The following SQLE variants were observed in gnomAD, a reference collection of about 807,000 sequenced individuals.
SQLE encodes squalene epoxidase.
Under a neutral mutation model 60.7 loss-of-function variants are expected in SQLE, and 29 were observed. The observed-to-expected ratio is 0.48, with a 90% CI of 0.36 to 0.65. SQLE has a LOEUF of 0.65. SQLE is among the 30% of genes least tolerant of loss of function. The probability of loss-of-function intolerance (pLI) is 0.00; values close to 1 mark genes in which losing one functional copy is unlikely to be tolerated. For synonymous variants in SQLE, 237 were observed against 246.8 expected (o/e 0.96, Z 0.37); for missense variants, 605 against 684.1 (o/e 0.88, Z 1.29).
intron 4 of SQLE, among the ~76,000 whole-genome samples, chr8:125,008,504 T>G (rs1481603796): frequency 6.6e-6 from 1 of 152,222 alleles, no homozygotes. Flanking sequence ...GACTGGAATG[T>G]TTTCTCTGCT....
rs1421171460 is a variant in SQLE at position 125,018,745 on chromosome 8, T to A, written c.1444+18T>A. On this transcript the variant is annotated intron_variant, in intron 9 of 10. Coordinates refer to ENST00000265896, the MANE Select transcript of SQLE (RefSeq NM_003129.4). ...CACAGATGGTAAGTGTAGACACTTT[T>A]TAGTGAATATTACTCAATTGCAGAT... is the stretch of plus-strand genomic sequence containing the variant. 6.8e-7 allele frequency: 1 copy of A among 1,468,352 alleles called. No individual in the cohort carries two copies. The highest frequency in any genetic ancestry group is 2.3e-5 in the East Asian group (1 of 43,062). The allele number at this position is 1,468,352 out of a possible 1,614,324, so 91.0% of individuals were successfully genotyped here. A position where few individuals can be genotyped will look rare whatever the true frequency, so the allele number is the denominator to read the frequency against.
At chr8:125,001,877 C>T (rs1814862228) in intron 1 of SQLE, among the ~76,000 whole-genome samples, 2 of 152,080 alleles carry the variant, frequency 1.3e-5, no homozygotes, top group African/African-American at 4.8e-5. Flanking sequence ...GAAGGTGGTT[C>T]CTTGCAATTC....
rs1814810403 is a variant in SQLE, at chr8:124,999,689, A to G, written c.286A>G (p.Arg96Gly). The change falls in exon 1 of 11, where the codon AGG becomes GGG. Residue 96 changes from arginine to glycine, a missense_variant. By Grantham distance (125) the Arg-to-Gly change is moderately radical. Coordinates refer to ENST00000265896, the MANE Select transcript of SQLE (RefSeq NM_003129.4). ...AGAAAATAAGGAGCAGCTCGAGGCC[A>G]GGAGGGTAGGTTGATTTCAAAGCGG... The part of the protein sequence containing the change: ...ESENKEQLEA[R>G]RRRKGTNISE... 6.3e-7 allele frequency: 1 copy of G among 1,586,194 alleles called. No homozygotes were observed. The highest frequency in any genetic ancestry group is 8.6e-7 in the Non-Finnish European group (1 of 1,165,490).
chr8:125,009,034 GTC>G lies in SQLE; in HGVS notation c.889_890del (p.Ser297GlnfsTer2). On this transcript the variant is annotated frameshift_variant, in exon 5 of 11. Transcript: ENST00000265896. LOFTEE classifies it high-confidence loss of function. ...TTTCTCCAAGTTCAGGAAAAGCCTG[GTC>G]TCCAATAAAGTTTCTGTATCATCTC... ...GLFSKFRKSLVSNKVSVSSHF... is the reference protein window; with the variant it reads ...GLFSKFRKSLXSNKVSVSSHF... 1 of 1,603,558 alleles carries G rather than the reference GTC, an allele frequency of 6.2e-7. No individual in the cohort carries two copies. The highest frequency in any genetic ancestry group is 8.5e-7 in the Non-Finnish European group (1 of 1,175,938).
intron 4 of SQLE, among the ~76,000 whole-genome samples, chr8:125,007,994 TAAAAG>T (rs1045704686): frequency 4.6e-5 from 7 of 152,340 alleles, no homozygotes; most frequent in South Asian, 2.1e-4. Flanking sequence ...AGATTCAACA[TAAAAG>T]AAATGATTCA....
chr8:125,002,609 G>A (rs933558961), intron 1 of SQLE, among the ~76,000 whole-genome samples: 2 of 152,124 alleles, frequency 1.3e-5, no homozygotes, highest in African/African-American at 4.8e-5. Flanking sequence ...TCCAGGAGGC[G>A]GACGTTGCAG....
rs1308951680 is a variant in SQLE at position 125,021,851 on chromosome 8, C to T, written c.1631C>T (p.Pro544Leu). 2.5e-6 allele frequency: 4 copies of T among 1,610,930 alleles called. No individual in the cohort carries two copies. The highest frequency in any genetic ancestry group is 3.4e-6 in the Non-Finnish European group (4 of 1,178,300). ...CFKSEPWITK[P>L]RALLSSGAVL... ...AAGTCAGAACCTTGGATTACAAAAC[C>T]TCGAGCCCTTCTCAGTAGTGGTGCT... Residue 544 changes from proline to leucine, a missense_variant, in exon 11 of 11, where the codon CCT becomes CTT. Physicochemically the swap from Pro to Leu is moderately conservative, Grantham distance 98. Transcript: ENST00000265896.
Position 125,020,695 on chromosome 8 carries a change from C to T in SQLE, c.1445-89C>T, listed in dbSNP as rs574883912. 109 of 773,138 alleles carry T rather than the reference C, an allele frequency of 1.4e-4. No individual in the cohort carries two copies. In the African/African-American group the frequency reaches 1.7e-3, roughly 12 times the overall value. 47.9% of individuals were successfully genotyped at this position (773,138 alleles called of 1,614,324 possible). A position where few individuals can be genotyped will look rare whatever the true frequency, so the allele number is the denominator to read the frequency against. On this transcript the variant is annotated intron_variant, in intron 9 of 10. Transcript: ENST00000265896. ...TTTAAAAATTATCTGCAAGATGTAG[C>T]GTTTGTTATTTCTCATTTTTTCTGA...
intron 6 of SQLE, among the ~76,000 whole-genome samples, chr8:125,010,497 TTAAA>T (rs1400561693): frequency 2.0e-5 from 3 of 152,170 alleles, no homozygotes; most frequent in African/African-American, 4.8e-5. Flanking sequence ...TACATTTTGT[TTAAA>T]TATTCCGTTT....
Position 124,999,377 on chromosome 8 carries a change from C to G in SQLE, c.-27C>G, listed in dbSNP as rs1398426061. The G allele has an allele frequency of 1.4e-6, 2 of 1,480,720 alleles. No individual in the cohort carries two copies. The highest frequency in any genetic ancestry group is 1.8e-4 in the Middle Eastern group (1 of 5,506). The allele number at this position is 1,480,720 out of a possible 1,614,324, so 91.7% of individuals were successfully genotyped here. On this transcript the variant is annotated 5_prime_UTR_variant, in exon 1 of 11. Transcript: ENST00000265896. ...TCGAGCAGATAATCTCCGCCTTGAC[C>G]GGTGCCACCAAAGAAGCCTTGGAAC...
chr8:125,019,744 A>G (rs1452891714), intron 9 of SQLE, among the ~76,000 whole-genome samples: 1 of 152,196 alleles, frequency 6.6e-6, no homozygotes, highest in African/African-American at 2.4e-5. Flanking sequence ...TTTGCAACAT[A>G]GCTATTTGTA....
intron 7 of SQLE, among the ~76,000 whole-genome samples, chr8:125,017,538 A>C (rs1815128827): frequency 6.6e-6 from 1 of 151,934 alleles, no homozygotes; most frequent in African/African-American, 2.4e-5. Context: ...CTCACCCAGG[A>C]CGGATCCAAA....
intron 1 of SQLE, among the ~76,000 whole-genome samples, chr8:125,002,556 A>C (rs1814872039): frequency 6.6e-6 from 1 of 152,148 alleles, no homozygotes; most frequent in Non-Finnish European, 1.5e-5. Context: ...ACATGCCTAT[A>C]ATCCCAGCCA....
At chr8:125,021,701 G>GA in intron 10 of SQLE, 52 bp from the exon 11 acceptor site, 1 of 1,320,044 alleles carries the variant, frequency 7.6e-7, no homozygotes, top group South Asian at 1.5e-5. Flanking sequence ...GGAACCTTTG[G>GA]AGTAAATTTT....
At chr8:125,011,996 G>A (rs1815046595) in intron 7 of SQLE, among the ~76,000 whole-genome samples, 2 of 151,688 alleles carry the variant, frequency 1.3e-5, no homozygotes, top group South Asian at 4.2e-4. Context: ...GGTAGTTAGG[G>A]AGGACGTTGT....
intron 8 of SQLE, 133 bp downstream of exon 8, chr8:125,018,334 A>G: frequency 2.2e-6 from 2 of 928,440 alleles, no homozygotes. Context: ...CATCTTGCTT[A>G]GGCTTAAAGA....
Position 124,999,530 on chromosome 8 carries a change from T to C in SQLE, c.127T>C (p.Ser43Pro). The C allele has an allele frequency of 1.2e-6, 2 of 1,612,982 alleles. No homozygotes were observed. Among genetic ancestry groups the C allele is most frequent in the Non-Finnish European group, 1.7e-6 (2 of 1,179,484 alleles). Residue 43 changes from serine (S) to proline (P), a missense_variant, in exon 1 of 11, where the codon TCC (serine) becomes CCC (proline). Physicochemically the swap from Ser to Pro is moderately conservative, Grantham distance 74. Coordinates refer to ENST00000265896, the MANE Select transcript of SQLE (RefSeq NM_003129.4). ...GTTCCTCTCGCTGGGCCTGGTGCTC[T>C]CCTACCGCTGTCGCCACCGAAACGG... ...LVFLSLGLVL[S>P]YRCRHRNGGL...
At chr8:125,002,413 C>A (rs1814869436) in intron 1 of SQLE, among the ~76,000 whole-genome samples, 1 of 152,180 alleles carries the variant, frequency 6.6e-6, no homozygotes. Context: ...CGCAGTGGCT[C>A]ACGCCTGTAA....
chr8:124,999,337 G>T lies in SQLE; in HGVS notation c.-67G>T. The T allele has an allele frequency of 7.1e-7, 1 of 1,405,706 alleles. No individual in the cohort carries two copies. Among genetic ancestry groups the T allele is most frequent in the Non-Finnish European group, 9.3e-7 (1 of 1,077,772 alleles). 87.1% of individuals were successfully genotyped at this position (1,405,706 alleles called of 1,614,324 possible). A position where few individuals can be genotyped will look rare whatever the true frequency, so the allele number is the denominator to read the frequency against. On this transcript the variant is annotated 5_prime_UTR_variant, in exon 1 of 11. It introduces an in-frame stop codon into an upstream open reading frame of the 5' UTR. Coordinates refer to ENST00000265896, the MANE Select transcript of SQLE (RefSeq NM_003129.4). ...TCCTCTTGGTACCTCATTTTGGGGA[G>T]AACCTTAAACCCACTCGAGCAGATA...
Sources: gnomAD v4.1 joint callset for allele counts (sites outside exome capture counted in the v4.1 genomes callset) on GRCh38, gnomAD v4.1.1 for gene constraint, MANE v1.5 for transcripts, NCBI Gene and HGNC (gene_info 2026-07-23, HGNC 2026-07-21) for gene names.